Variants in MYO7A observed in about 807,000 individuals in gnomAD.
MYO7A encodes myosin VIIA, also known as unconventional myosin-VIIa.
Under a neutral mutation model 263.8 loss-of-function variants are expected in MYO7A, and 210 were observed. The ratio of observed to expected loss-of-function variants is 0.80; its 90% CI spans 0.71 to 0.89. The LOEUF (loss-of-function observed/expected upper bound fraction) is 0.89, where lower values mean the gene tolerates loss of function less well. Ranked by LOEUF, MYO7A falls within the 40% of genes least tolerant of loss-of-function variation. The pLI, the probability that MYO7A is intolerant of heterozygous loss-of-function variation, is 0.00. For missense variants in MYO7A, 2,820 were observed against 2,968.3 expected (o/e 0.95, Z 1.16); for synonymous variants, 1,239 against 1,197.3 (o/e 1.03, Z -0.72).
chr11:77,141,977 G>A (rs1386713195), intron 2 of MYO7A, among the ~76,000 whole-genome samples: 1 of 152,232 alleles, frequency 6.6e-6, no homozygotes, highest in Non-Finnish European at 1.5e-5. Flanking sequence ...AGATTAATCA[G>A]TGCTTTGCAC....
At position 77,175,452 on chromosome 11, in the gene MYO7A, G is replaced by T; in HGVS notation, c.2175G>T (p.Lys725Asn). 7 of 1,613,324 alleles carry T rather than the reference G, an allele frequency of 4.3e-6. No homozygotes were observed. Among genetic ancestry groups the T allele is most frequent in the Non-Finnish European group, 5.9e-6 (7 of 1,179,884 alleles). ...THDDWQIGKT[K>N]IFLKDHHDML... ...ATGACTGGCAGATAGGCAAAACCAA[G>T]ATCTTTCTGAAGGTGAGCACAGATG... The change falls in exon 18 of 49, where the codon AAG becomes AAT. Residue 725 changes from lysine to asparagine, a missense_variant. Lys to Asn is a moderately conservative substitution (Grantham distance 94). Coordinates refer to ENST00000409709, the MANE Select transcript of MYO7A (RefSeq NM_000260.4).
At chr11:77,162,013 T>G in intron 12 of MYO7A, 107 bp from the exon 13 acceptor site, 1 of 1,021,526 alleles carries the variant, frequency 9.8e-7, no homozygotes, top group Non-Finnish European at 1.5e-6. Flanking sequence ...GAGTCCATGA[T>G]GGGGATAGCT....
At chr11:77,188,395 G>T (rs2135542847) in intron 27 of MYO7A, among the ~76,000 whole-genome samples, 1 of 152,312 alleles carries the variant, frequency 6.6e-6, no homozygotes, top group Non-Finnish European at 1.5e-5. Context: ...TGTTATAAAT[G>T]TTCTCATTTA....
chr11:77,191,597 C>T (rs1206425770), intron 30 of MYO7A, among the ~76,000 whole-genome samples: 1 of 152,180 alleles, frequency 6.6e-6, no homozygotes, highest in Non-Finnish European at 1.5e-5. Context: ...GTGGGCGTCC[C>T]GCAGACTCAC....
chr11:77,140,166 A>G (rs1555049751), intron 2 of MYO7A, among the ~76,000 whole-genome samples: 1 of 152,224 alleles, frequency 6.6e-6, no homozygotes, highest in East Asian at 1.9e-4. Context: ...TCCCAGGGGA[A>G]ACAAACATTT....
Position 77,162,920 on chromosome 11 carries a change from C to T in MYO7A, c.1622C>T (p.Pro541Leu), listed in dbSNP as rs369301423. 9 of 1,613,826 alleles carry T rather than the reference C, an allele frequency of 5.6e-6. No individual in the cohort carries two copies. The East Asian group carries it at 1.8e-4, about 32-fold the overall frequency. The change falls in exon 14 of 49, where the codon CCC becomes CTC. Residue 541 changes from proline (P) to leucine (L), a missense_variant. By Grantham distance (98) the Pro-to-Leu change is moderately conservative. Coordinates refer to ENST00000409709, the MANE Select transcript of MYO7A (RefSeq NM_000260.4). ...QHKLNANYIP[P>L]KNNHETQFGI... is the part of the protein sequence containing the mutation. ...AAGCTCAACGCCAACTACATCCCCC[C>T]CAAGAACAACCATGAGACCCAGTTT...
In MYO7A at chr11:77,213,849, T is replaced by C; in HGVS notation, c.6439-11T>C. The C allele has an allele frequency of 1.2e-6, 2 of 1,614,036 alleles. No individual in the cohort carries two copies. Among genetic ancestry groups the C allele is most frequent in the South Asian group, 2.2e-5 (2 of 91,090 alleles). On this transcript the variant is annotated splice_polypyrimidine_tract_variant and intron_variant, in intron 47 of 48. Transcript: ENST00000409709. ...AGGCCGTGCCTCTCTATGCCCTTTC[T>C]GCTCCCCCAGGATATCCTCACCACT...
intron 15 of MYO7A, among the ~76,000 whole-genome samples, chr11:77,170,955 A>T (rs949149545): frequency 6.6e-6 from 1 of 152,200 alleles, no homozygotes; most frequent in Non-Finnish European, 1.5e-5. Context: ...GAAGGTGGGC[A>T]ATTTCTGTGA....
Position 77,181,978 on chromosome 11 carries a change from G to A in MYO7A, c.2932G>A (p.Val978Met), listed in dbSNP as rs1555084814. 1.9e-6 allele frequency: 3 copies of A among 1,613,200 alleles called. No individual in the cohort carries two copies. The Admixed American group carries it at 5.0e-5, about 27-fold the overall frequency. The change falls in exon 24 of 49, where the codon GTG (valine) becomes ATG (methionine). Residue 978 changes from valine (V) to methionine (M), a missense_variant. Coordinates refer to ENST00000409709, the MANE Select transcript of MYO7A (RefSeq NM_000260.4). ...EDLERGRREM[V>M]EEDLDAALPL... is the part of the protein sequence containing the mutation. Reference sequence around the variant, plus strand: ...CCTGGAGCGAGGGCGGAGGGAGATGGTGGAGGAGGACCTGGATGCAGCCCT... The same window carrying A: ...CCTGGAGCGAGGGCGGAGGGAGATGATGGAGGAGGACCTGGATGCAGCCCT...
intron 25 of MYO7A, 25 bp from the exon 26 acceptor site, chr11:77,183,043 A>C: frequency 6.5e-7 from 1 of 1,546,506 alleles, no homozygotes; most frequent in Non-Finnish European, 8.7e-7. Flanking sequence ...CAGCCACTTG[A>C]CCCTGATCCC....
chr11:77,174,228 C>A (rs1401321570), intron 16 of MYO7A, among the ~76,000 whole-genome samples: 3 of 152,140 alleles, frequency 2.0e-5, no homozygotes, highest in Non-Finnish European at 4.4e-5. Context: ...GAAAAATGTG[C>A]CTCTTCCTTA....
chr11:77,136,162 T>C (rs1950897271), intron 2 of MYO7A, among the ~76,000 whole-genome samples: 2 of 152,228 alleles, frequency 1.3e-5, no homozygotes, highest in Non-Finnish European at 2.9e-5. Flanking sequence ...ATGCCAGATA[T>C]AGAATTCTTT....
At chr11:77,130,703 C>G in intron 2 of MYO7A, 51 bp downstream of exon 2, 1 of 1,601,162 alleles carries the variant, frequency 6.2e-7, no homozygotes, top group Non-Finnish European at 8.5e-7. Context: ...GCCATATCCC[C>G]TCATCCATAT....
chr11:77,182,252 G>A (rs1955295557), intron 24 of MYO7A, 98 bp downstream of exon 24: 1 of 1,502,836 alleles, frequency 6.7e-7, no homozygotes, highest in Non-Finnish European at 9.1e-7. Context: ...AGGGTGGTGG[G>A]TCCCTGGGGG....
chr11:77,203,656 T>C (rs60965920), intron 38 of MYO7A, among the ~76,000 whole-genome samples: 1,810 of 149,932 alleles, frequency 0.012, 35 homozygotes, highest in African/African-American at 0.041. Flanking sequence ...GGAGGGGGAG[T>C]GTTCCAGAGA....
intron 2 of MYO7A, among the ~76,000 whole-genome samples, chr11:77,136,963 A>G (rs1950925912): frequency 6.6e-6 from 1 of 152,182 alleles, no homozygotes; most frequent in South Asian, 2.1e-4. Context: ...TGTCTTGTTA[A>G]CAGTGTCCTC....
chr11:77,184,452 G>A (rs1161554366), intron 26 of MYO7A, 136 bp from the exon 27 acceptor site: 1 of 729,438 alleles, frequency 1.4e-6, no homozygotes, highest in Non-Finnish European at 2.3e-6. Flanking sequence ...GGTAATGACA[G>A]TGATGGGGAG....
intron 25 of MYO7A, among the ~76,000 whole-genome samples, chr11:77,182,853 C>T (rs1955366288): frequency 6.6e-6 from 1 of 152,208 alleles, no homozygotes; most frequent in African/African-American, 2.4e-5. Flanking sequence ...GGAGCCAGCT[C>T]CCGTACTATG....
intron 2 of MYO7A, among the ~76,000 whole-genome samples, chr11:77,137,166 C>T (rs1950934899): frequency 1.3e-5 from 2 of 152,244 alleles, no homozygotes; most frequent in East Asian, 1.9e-4. Flanking sequence ...CTCCTGAGAG[C>T]GGTGTCCCTG....
Sources: allele counts gnomAD v4.1 joint callset (sites outside exome capture counted in the v4.1 genomes callset), GRCh38; gene constraint gnomAD v4.1.1; transcripts MANE v1.5; gene names NCBI Gene and HGNC (gene_info 2026-07-23, HGNC 2026-07-21).